FSTL5: variants seen among roughly 807,000 people sequenced by gnomAD.
The protein encoded by FSTL5 is follistatin like 5.
A neutral mutation model predicts 89.1 loss-of-function variants in FSTL5; 62 were observed. The observed-to-expected ratio is 0.70, with a 90% CI of 0.57 to 0.86. The LOEUF is 0.86. FSTL5 is among the 40% of genes least tolerant of loss of function. The probability of loss-of-function intolerance (pLI) is 0.00; values close to 1 mark genes in which losing one functional copy is unlikely to be tolerated. For missense variants in FSTL5, 1,057 were observed against 1,001.6 expected (o/e 1.06, Z -0.75); for synonymous variants, 383 against 346.2 (o/e 1.11, Z -1.18).
At chr4:161,543,722 G>A (rs531001313) in intron 8 of FSTL5, among the ~76,000 whole-genome samples, 139 of 150,654 alleles carry the variant, frequency 9.2e-4, no homozygotes, top group Admixed American at 1.4e-3. Flanking sequence ...AAATAAGCCT[G>A]AACTCCTACC....
chr4:161,830,337 TGG>T (rs1730805070), intron 4 of FSTL5, among the ~76,000 whole-genome samples: 1 of 151,776 alleles, frequency 6.6e-6, no homozygotes, highest in Non-Finnish European at 1.5e-5. Flanking sequence ...AGTTCTTATG[TGG>T]ATAGTAAGGA....
At chr4:161,759,377 C>G in intron 6 of FSTL5, 34 bp downstream of exon 6, 1 of 1,562,048 alleles carries the variant, frequency 6.4e-7, no homozygotes, top group African/African-American at 1.4e-5. Context: ...GGAAAAAGAA[C>G]AAAGGGAAAT....
intron 7 of FSTL5, among the ~76,000 whole-genome samples, chr4:161,613,428 G>C (rs563618455): frequency 4.3e-4 from 64 of 148,050 alleles, no homozygotes; most frequent in Non-Finnish European, 6.5e-4. Flanking sequence ...CCAGTCTGGC[G>C]ACAGAGTGAG....
At chr4:161,463,680 A>T (rs1733653313) in intron 13 of FSTL5, among the ~76,000 whole-genome samples, 1 of 152,350 alleles carries the variant, frequency 6.6e-6, no homozygotes, top group South Asian at 2.1e-4. Flanking sequence ...TTTATAGAAC[A>T]GAAGGGCAAT....
intron 2 of FSTL5, among the ~76,000 whole-genome samples, chr4:162,063,798 A>G (rs2111288782): frequency 6.6e-6 from 1 of 152,044 alleles, no homozygotes; most frequent in African/African-American, 2.4e-5. Flanking sequence ...TGAATTAATA[A>G]TGGTCTCCAT....
intron 8 of FSTL5, among the ~76,000 whole-genome samples, chr4:161,558,576 C>T (rs1427731852): frequency 6.6e-6 from 1 of 151,840 alleles, no homozygotes; most frequent in Non-Finnish European, 1.5e-5. Context: ...ACTCAATCCT[C>T]TGTTCCTGGT....
At chr4:161,975,258 T>C (rs927801331) in intron 3 of FSTL5, among the ~76,000 whole-genome samples, 2 of 145,776 alleles carry the variant, frequency 1.4e-5, no homozygotes, top group African/African-American at 2.6e-5. Flanking sequence ...ACTGGGTATA[T>C]ACCCAAAGGA....
intron 4 of FSTL5, among the ~76,000 whole-genome samples, chr4:161,856,583 G>T (rs945750032): frequency 4.0e-5 from 6 of 151,276 alleles, no homozygotes; most frequent in African/African-American, 1.5e-4. Flanking sequence ...TCTCTTTATA[G>T]AATTTATATT....
At chr4:161,713,426 A>C (rs1738865038) in intron 6 of FSTL5, among the ~76,000 whole-genome samples, 1 of 152,160 alleles carries the variant, frequency 6.6e-6, no homozygotes, top group African/African-American at 2.4e-5. Context: ...CACAAGGTCC[A>C]ATGTGTTTTC....
chr4:161,998,567 A>G lies in FSTL5; in HGVS notation c.160+35058T>C, dbSNP rs531230989. On this transcript the variant is annotated intron_variant, in intron 3 of 15. Coordinates refer to ENST00000306100, the MANE Select transcript of FSTL5 (RefSeq NM_020116.5). ...CAGTCTCTCCCTTATTTCAATATTC[A>G]TCACTCCTATTCCAACAATATTGAA... 3.3e-5 allele frequency among the ~76,000 whole-genome samples: 5 copies of G among 152,132 alleles called. No individual in the cohort carries two copies. In the South Asian group the frequency reaches 1.0e-3, roughly 32 times the overall value.
intron 6 of FSTL5, among the ~76,000 whole-genome samples, chr4:161,705,997 C>T (rs10026198): frequency 0.33 from 3,172 of 9,624 alleles, 262 homozygotes; most frequent in Middle Eastern, 0.58. Flanking sequence ...TATATATATA[C>T]ACACATCTAC....
In FSTL5 at chr4:161,874,526, C is replaced by A. The variant is rs189964188; in HGVS notation, c.409+45878G>T. On this transcript the variant is annotated intron_variant, in intron 4 of 15. Coordinates refer to ENST00000306100, the MANE Select transcript of FSTL5 (RefSeq NM_020116.5). ...CCATTTTATTTCTGAATATTATATC[C>A]CTCATGCTCTCCACAGCTTCCTTCC... 9.5e-3 allele frequency among the ~76,000 whole-genome samples: 1,428 copies of A among 150,766 alleles called. 24 individuals carry two copies. Among genetic ancestry groups the A allele is most frequent in the African/African-American group, 0.033 (1,339 of 41,170 alleles).
At chr4:161,724,071 A>G (rs1739310221) in intron 6 of FSTL5, among the ~76,000 whole-genome samples, 1 of 152,166 alleles carries the variant, frequency 6.6e-6, no homozygotes. Flanking sequence ...ATCACAGAAA[A>G]AGCTAAATCG....
At chr4:161,700,975 C>T (rs367757396) in intron 6 of FSTL5, among the ~76,000 whole-genome samples, 12 of 152,190 alleles carry the variant, frequency 7.9e-5, no homozygotes, top group African/African-American at 2.2e-4. Context: ...AAAAATGATG[C>T]TAAAATTCTA....
chr4:161,506,507 A>C (rs1222032945), intron 11 of FSTL5, among the ~76,000 whole-genome samples: 1 of 152,024 alleles, frequency 6.6e-6, no homozygotes, highest in Non-Finnish European at 1.5e-5. Context: ...GATTTGTAAG[A>C]TTTTGGTTGA....
chr4:161,823,834 T>C (rs1163799668), intron 4 of FSTL5, among the ~76,000 whole-genome samples: 1 of 152,216 alleles, frequency 6.6e-6, no homozygotes, highest in Non-Finnish European at 1.5e-5. Context: ...AGAATTCATG[T>C]CCTTAGCCCA....
At chr4:161,467,597 A>C (rs553676199) in intron 13 of FSTL5, among the ~76,000 whole-genome samples, 1 of 152,150 alleles carries the variant, frequency 6.6e-6, no homozygotes, top group African/African-American at 2.4e-5. Context: ...CCTCAAGAGG[A>C]TTTAAAATTC....
chr4:162,058,680 C>T (rs1245982584), intron 2 of FSTL5, among the ~76,000 whole-genome samples: 1 of 151,976 alleles, frequency 6.6e-6, no homozygotes, highest in East Asian at 1.9e-4. Context: ...ATGTCTGCCT[C>T]GGCCTCCCAA....
At chr4:162,001,645 T>C (rs1736468279) in intron 3 of FSTL5, among the ~76,000 whole-genome samples, 1 of 150,552 alleles carries the variant, frequency 6.6e-6, no homozygotes. Context: ...AGAGTGTATA[T>C]ACATGTGTAA....
Sources: allele counts gnomAD v4.1 joint callset (sites outside exome capture counted in the v4.1 genomes callset), GRCh38; gene constraint gnomAD v4.1.1; transcripts MANE v1.5; gene names NCBI Gene and HGNC (gene_info 2026-07-23, HGNC 2026-07-21).